Variants in FGGY observed in about 807,000 individuals in gnomAD.
The protein encoded by FGGY is FGGY carbohydrate kinase domain-containing protein.
A neutral mutation model predicts 71.3 loss-of-function variants in FGGY; 72 were observed. The ratio of observed to expected loss-of-function variants is 1.01; its 90% CI spans 0.84 to 1.23. The LOEUF (loss-of-function observed/expected upper bound fraction) is 1.23. FGGY is among the 50% of genes most tolerant of loss of function. The pLI, the probability that FGGY is intolerant of heterozygous loss-of-function variation, is 0.00. For missense variants in FGGY, 668 were observed against 682.3 expected (o/e 0.98, Z 0.23); for synonymous variants, 251 against 250.3 (o/e 1.00, Z -0.02).
chr1:59,384,778 CCT>C (rs1468455281), intron 5 of FGGY, among the ~76,000 whole-genome samples: 1 of 152,074 alleles, frequency 6.6e-6, no homozygotes, highest in Admixed American at 6.6e-5. Flanking sequence ...CTGGGTAAAA[CCT>C]CTGTTTTTAC....
intron 1 of FGGY, among the ~76,000 whole-genome samples, chr1:59,307,609 C>A (rs2043644621): frequency 6.6e-6 from 1 of 152,144 alleles, no homozygotes; most frequent in Non-Finnish European, 1.5e-5. Flanking sequence ...TCACTGGCAC[C>A]ACATCTTGCA....
At chr1:59,446,824 C>T (rs2071381731) in intron 5 of FGGY, among the ~76,000 whole-genome samples, 1 of 152,148 alleles carries the variant, frequency 6.6e-6, no homozygotes, top group African/African-American at 2.4e-5. Context: ...AAAAGGTTTC[C>T]CTTGAAAGTT....
intron 5 of FGGY, among the ~76,000 whole-genome samples, chr1:59,456,551 C>T (rs980447214): frequency 6.6e-6 from 1 of 151,214 alleles, no homozygotes; most frequent in Non-Finnish European, 1.5e-5. Context: ...TGGGTTCAAG[C>T]AATTCTTCTG....
chr1:59,533,411 G>A (rs566827250), intron 7 of FGGY, among the ~76,000 whole-genome samples: 2 of 152,366 alleles, frequency 1.3e-5, no homozygotes, highest in Non-Finnish European at 2.9e-5. Flanking sequence ...CAAGGCTGCA[G>A]CGAGGCTGGG....
intron 14 of FGGY, among the ~76,000 whole-genome samples, chr1:59,717,336 C>T (rs2097852784): frequency 6.6e-6 from 1 of 151,978 alleles, no homozygotes; most frequent in Admixed American, 6.6e-5. Flanking sequence ...AAACAATTCC[C>T]CATGGACTCA....
intron 6 of FGGY, among the ~76,000 whole-genome samples, chr1:59,506,391 A>AT (rs1254980014): frequency 6.6e-6 from 1 of 152,108 alleles, no homozygotes; most frequent in Non-Finnish European, 1.5e-5. Flanking sequence ...GCATCTTGCC[A>AT]TTTTTTCTGA....
chr1:59,718,638 A>T (rs945078233), intron 14 of FGGY, among the ~76,000 whole-genome samples: 4 of 152,184 alleles, frequency 2.6e-5, no homozygotes, highest in Non-Finnish European at 5.9e-5. Flanking sequence ...TGATATGATG[A>T]TGGTTCTTTG....
rs1283623084 is a variant in FGGY at position 59,650,794 on chromosome 1, T to G, written c.1222-9425T>G. ...TAGTTATTTCTTGCCTTCTGCTAGC[T>G]GTTGAATGTGTTTGCTCTTGCTTCT... On this transcript the variant is annotated intron_variant, in intron 11 of 15. Transcript: ENST00000303721. 2.1e-5 allele frequency among the ~76,000 whole-genome samples: 3 copies of G among 144,148 alleles called. 1 individual carries two copies. The highest frequency in any genetic ancestry group is 6.7e-5 in the Admixed American group (1 of 14,838). The allele number at this position is 144,148 out of a possible 152,430, so 94.6% of individuals were successfully genotyped here.
intron 7 of FGGY, among the ~76,000 whole-genome samples, chr1:59,533,993 A>C (rs985966050): frequency 6.6e-6 from 1 of 152,230 alleles, no homozygotes; most frequent in African/African-American, 2.4e-5. Context: ...ATGACTTTGA[A>C]GAGCTGAGAG....
chr1:59,431,695 G>A (rs369388896), intron 5 of FGGY, among the ~76,000 whole-genome samples: 7 of 152,306 alleles, frequency 4.6e-5, no homozygotes, highest in Admixed American at 2.0e-4. Context: ...AATAGATGAA[G>A]AAGGAACACA....
chr1:59,659,042 A>C lies in FGGY; in HGVS notation c.1222-1177A>C, dbSNP rs183962408. On this transcript the variant is annotated intron_variant, in intron 11 of 15. Transcript: ENST00000303721. The stretch of plus-strand genomic sequence containing the variant: ...TTTGAGACCAGCCTGGCTACTAAAA[A>C]TACAAAAAAATTAGCCAGATGTGGT... Among the ~76,000 whole-genome samples, 431 of 152,252 alleles carry C rather than the reference A, an allele frequency of 2.8e-3. 6 individuals are homozygous for C. Among genetic ancestry groups the C allele is most frequent in the African/African-American group, 9.8e-3 (409 of 41,534 alleles).
chr1:59,356,774 G>A (rs1266467998), intron 4 of FGGY, among the ~76,000 whole-genome samples: 1 of 152,020 alleles, frequency 6.6e-6, no homozygotes, highest in East Asian at 1.9e-4. Flanking sequence ...GAGCATTACT[G>A]TTCCTTTCCA....
chr1:59,759,615 C>T (rs1271139330), intron 15 of FGGY, among the ~76,000 whole-genome samples: 1 of 152,204 alleles, frequency 6.6e-6, no homozygotes, highest in African/African-American at 2.4e-5. Flanking sequence ...GCGAAGGAGG[C>T]GGCACACACG....
chr1:59,377,883 G>A (rs188673909), intron 4 of FGGY, among the ~76,000 whole-genome samples: 14 of 152,308 alleles, frequency 9.2e-5, no homozygotes, highest in African/African-American at 3.4e-4. Context: ...TTGCAATACA[G>A]AGAACCAAAT....
chr1:59,496,273 AC>A (rs1170199208), intron 6 of FGGY, among the ~76,000 whole-genome samples: 13 of 152,146 alleles, frequency 8.5e-5, no homozygotes, highest in African/African-American at 3.1e-4. Context: ...CATGAAATCA[AC>A]CTAGATGCCC....
chr1:59,367,505 T>A (rs2056784292), intron 4 of FGGY, among the ~76,000 whole-genome samples: 1 of 152,238 alleles, frequency 6.6e-6, no homozygotes, highest in Non-Finnish European at 1.5e-5. Flanking sequence ...AGTGGGGAAT[T>A]AGGGAGCTGT....
intron 7 of FGGY, among the ~76,000 whole-genome samples, chr1:59,515,601 A>G (rs970106310): frequency 2.6e-5 from 4 of 152,056 alleles, no homozygotes; most frequent in African/African-American, 9.7e-5. Context: ...TGTGGGAGGG[A>G]CTTAGGGGGA....
At chr1:59,325,195 T>C (rs1255812299) in intron 2 of FGGY, among the ~76,000 whole-genome samples, 1 of 121,392 alleles carries the variant, frequency 8.2e-6, no homozygotes, top group Non-Finnish European at 1.9e-5. Flanking sequence ...CTACTAAAAA[T>C]ACAAAAAAAA....
chr1:59,493,044 A>G (rs929208623), intron 6 of FGGY, among the ~76,000 whole-genome samples: 5 of 151,618 alleles, frequency 3.3e-5, no homozygotes, highest in Non-Finnish European at 7.4e-5. Context: ...ATATTTTAAA[A>G]AAATACCTCT....
Sources: gnomAD v4.1 joint callset for allele counts (sites outside exome capture counted in the v4.1 genomes callset) on GRCh38, gnomAD v4.1.1 for gene constraint, MANE v1.5 for transcripts, NCBI Gene and HGNC (gene_info 2026-07-23, HGNC 2026-07-21) for gene names.